Variants in NRXN3 observed in about 807,000 individuals in gnomAD.
NRXN3 encodes the protein neurexin III.
NRXN3 carries 32 observed loss-of-function variants against 137.6 expected under a neutral mutation model. The observed-to-expected ratio is 0.23, with a 90% CI of 0.18 to 0.31. The LOEUF (loss-of-function observed/expected upper bound fraction) is 0.31, where lower values mean the gene tolerates loss of function less well. NRXN3 is among the 10% of genes least tolerant of loss of function. NRXN3 has a pLI of 1.00. For missense variants in NRXN3, 1,574 were observed against 2,062.5 expected, an observed-to-expected ratio of 0.76 and a Z score of 4.59; for synonymous variants, 798 against 784.5, an observed-to-expected ratio of 1.02 and a Z score of -0.29.
chr14:79,668,077 C>T (rs1237362600), intron 17 of NRXN3, among the ~76,000 whole-genome samples: 3 of 152,036 alleles, frequency 2.0e-5, no homozygotes, highest in Admixed American at 6.6e-5. Flanking sequence ...AGTTCAAGTG[C>T]TCTTCACAGA....
Position 78,595,370 on chromosome 14 carries a change from G to C in NRXN3, c.758-49750G>C, listed in dbSNP as rs141183984. Among the ~76,000 whole-genome samples, 1,056 of 152,310 alleles carry C rather than the reference G, an allele frequency of 6.9e-3. 18 individuals carry two copies. Among genetic ancestry groups the C allele is most frequent in the African/African-American group, 0.024 (991 of 41,562 alleles). On this transcript the variant is annotated intron_variant, in intron 4 of 20. Coordinates refer to ENST00000335750, the MANE Select transcript of NRXN3 (RefSeq NM_001330195.2). ...TGCCACTCAGAGAGAAGCAGAGCTT[G>C]TCATTGAGCTAGTACAGTCCTGTGC...
At chr14:79,379,629 A>G (rs371838040) in intron 15 of NRXN3, among the ~76,000 whole-genome samples, 122 of 152,082 alleles carry the variant, frequency 8.0e-4, no homozygotes, top group Non-Finnish European at 1.4e-3. Context: ...GGGAGCTTCT[A>G]TCTTTGTAAA....
intron 15 of NRXN3, among the ~76,000 whole-genome samples, chr14:79,260,488 C>A: frequency 6.6e-6 from 1 of 152,116 alleles, no homozygotes; most frequent in East Asian, 1.9e-4. Context: ...TTTGACAGAT[C>A]CCTCACCCCC....
intron 15 of NRXN3, among the ~76,000 whole-genome samples, chr14:79,004,801 C>T (rs1339912990): frequency 1.3e-5 from 2 of 152,122 alleles, no homozygotes; most frequent in African/African-American, 4.8e-5. Flanking sequence ...TGGAGTCAGA[C>T]CTTGATTCTA....
intron 15 of NRXN3, among the ~76,000 whole-genome samples, chr14:79,273,928 C>G (rs1197644684): frequency 6.6e-6 from 1 of 151,602 alleles, no homozygotes; most frequent in African/African-American, 2.4e-5. Context: ...AACCCTGTCT[C>G]TACTAAATAT....
Position 79,076,940 on chromosome 14 carries a change from T to G in NRXN3, c.3262+88799T>G, listed in dbSNP as rs146509183. 3.5e-3 allele frequency among the ~76,000 whole-genome samples: 537 copies of G among 152,264 alleles called. 1 individual carries two copies. The highest frequency in any genetic ancestry group is 0.012 in the African/African-American group (513 of 41,548). On this transcript the variant is annotated intron_variant, in intron 15 of 20. Coordinates refer to ENST00000335750, the MANE Select transcript of NRXN3 (RefSeq NM_001330195.2). ...CATTGTGGGCACTCAAGTACCTACA[T>G]GCCCATGAAACTGTGTCTAGTTTAC...
chr14:79,002,423 G>A (rs555085350), intron 15 of NRXN3, among the ~76,000 whole-genome samples: 8 of 152,116 alleles, frequency 5.3e-5, no homozygotes, highest in South Asian at 2.1e-4. Flanking sequence ...CTGTGTCCAC[G>A]TGTTCTCTTT....
chr14:78,238,386 G>A (rs1484876270), intron 1 of NRXN3, among the ~76,000 whole-genome samples: 2 of 152,186 alleles, frequency 1.3e-5, no homozygotes, highest in Non-Finnish European at 2.9e-5. Flanking sequence ...GTGGCTGCCT[G>A]CGTTCTCCTA....
intron 4 of NRXN3, among the ~76,000 whole-genome samples, chr14:78,631,141 G>C (rs1248105897): frequency 6.6e-6 from 1 of 152,174 alleles, no homozygotes; most frequent in Non-Finnish European, 1.5e-5. Flanking sequence ...CTGTAAATCA[G>C]AGAATCAGGT....
At position 78,682,693 on chromosome 14, in the gene NRXN3, T is replaced by G. The variant is rs112597350; in HGVS notation, c.1222-26524T>G. Among the ~76,000 whole-genome samples the G allele has an allele frequency of 5.9e-3, 884 of 149,842 alleles. 6 individuals are homozygous for G. Among genetic ancestry groups the G allele is most frequent in the Middle Eastern group, 0.01 (3 of 292 alleles). On this transcript the variant is annotated intron_variant, in intron 6 of 20. Transcript: ENST00000335750. ...GGAGACAGATACTACACTGTCATTGTGGATGGGATGGGGTTTGGGTGGGGA... is the reference window on the plus strand; with the variant it reads ...GGAGACAGATACTACACTGTCATTGGGGATGGGATGGGGTTTGGGTGGGGA...
chr14:79,435,987 G>A (rs547000911), intron 15 of NRXN3, among the ~76,000 whole-genome samples: 1 of 152,088 alleles, frequency 6.6e-6, no homozygotes, highest in African/African-American at 2.4e-5. Context: ...AGGGAGAGAG[G>A]CTCTCCTTGA....
chr14:78,421,368 G>A (rs1005173686), intron 4 of NRXN3, among the ~76,000 whole-genome samples: 2 of 151,932 alleles, frequency 1.3e-5, no homozygotes, highest in Admixed American at 6.6e-5. Context: ...ATAAAATAGC[G>A]ACCAGTTAAA....
At chr14:78,479,795 A>G (rs1414912440) in intron 4 of NRXN3, among the ~76,000 whole-genome samples, 1 of 152,180 alleles carries the variant, frequency 6.6e-6, no homozygotes, top group Admixed American at 6.5e-5. Context: ...TGTGTGGAAG[A>G]AAACCTCTAT....
At chr14:79,823,762 C>A in intron 20 of NRXN3, 1 of 247,712 alleles carries the variant, frequency 4.0e-6, no homozygotes, top group South Asian at 4.0e-5. Context: ...ATAGTGAATC[C>A]TTTTTCCTGG....
chr14:78,514,614 A>G (rs911138775), intron 4 of NRXN3, among the ~76,000 whole-genome samples: 7 of 152,306 alleles, frequency 4.6e-5, no homozygotes, highest in African/African-American at 1.7e-4. Context: ...ACTCTTCTAC[A>G]TCCCAGAGAT....
intron 3 of NRXN3, 120 bp from the exon 4 acceptor site, chr14:78,297,711 C>T (rs1011951147): frequency 3.8e-6 from 3 of 782,160 alleles, no homozygotes; most frequent in Non-Finnish European, 6.4e-6. Context: ...GCCCCTGTCA[C>T]TCCTTTTTCC....
intron 15 of NRXN3, among the ~76,000 whole-genome samples, chr14:79,011,456 G>C (rs1356023028): frequency 1.4e-5 from 2 of 141,902 alleles, no homozygotes; most frequent in Non-Finnish European, 1.5e-5. Flanking sequence ...AACAATTCAA[G>C]ACTGATTAAG....
intron 19 of NRXN3, among the ~76,000 whole-genome samples, chr14:79,787,769 G>A (rs1482006304): frequency 2.0e-5 from 3 of 151,868 alleles, no homozygotes; most frequent in Non-Finnish European, 1.5e-5. Flanking sequence ...TTGTGTGTGT[G>A]TATATATATA....
intron 4 of NRXN3, among the ~76,000 whole-genome samples, chr14:78,457,134 G>A (rs907564425): frequency 1.3e-5 from 2 of 151,350 alleles, no homozygotes; most frequent in African/African-American, 2.4e-5. Context: ...TGTCTCCTGG[G>A]TTCAAGTGAT....
Sources: gnomAD v4.1 joint callset for allele counts (sites outside exome capture counted in the v4.1 genomes callset) on GRCh38, gnomAD v4.1.1 for gene constraint, MANE v1.5 for transcripts, NCBI Gene and HGNC (gene_info 2026-07-23, HGNC 2026-07-21) for gene names.